Variants in SPACA7 observed in about 807,000 individuals in gnomAD.
SPACA7 encodes the protein sperm acrosome-associated protein 7.
In SPACA7, 19 loss-of-function variants were observed where a neutral mutation model predicts 26.3. That is an observed-to-expected ratio of 0.72 (90% CI 0.50 to 1.06). The LOEUF is 1.06. SPACA7 is among the 50% of genes least tolerant of loss of function. The probability of loss-of-function intolerance (pLI) is 0.00; values close to 1 mark genes in which losing one functional copy is unlikely to be tolerated. For synonymous variants in SPACA7, 84 were observed against 84.5 expected, an observed-to-expected ratio of 0.99 and a Z score of 0.04; for missense variants, 211 against 229.9, an observed-to-expected ratio of 0.92 and a Z score of 0.53.
At chr13:112,401,957 A>T (rs1885673243) in intron 5 of SPACA7, among the ~76,000 whole-genome samples, 1 of 152,212 alleles carries the variant, frequency 6.6e-6, no homozygotes, top group Non-Finnish European at 1.5e-5. Flanking sequence ...CCAGCACCAC[A>T]GTGTGTTATT....
intron 5 of SPACA7, among the ~76,000 whole-genome samples, chr13:112,427,361 G>T (rs12429933): frequency 0.22 from 33,230 of 152,126 alleles, 3,807 homozygotes; most frequent in South Asian, 0.37. Flanking sequence ...ATGGTCACTT[G>T]GTTTTACTTT....
intron 5 of SPACA7, among the ~76,000 whole-genome samples, chr13:112,427,598 C>G (rs1295267890): frequency 6.6e-6 from 1 of 152,064 alleles, no homozygotes; most frequent in Non-Finnish European, 1.5e-5. Flanking sequence ...CTTGAATTTT[C>G]TAGATACATT....
Position 112,434,472 on chromosome 13 carries a change from T to G in SPACA7, c.524-13T>G. ...ACACACTGCCAGTCTCAAAATCTCC[T>G]CTTTCCACACAGGAAACATTTTCCA... On this transcript the variant is annotated splice_polypyrimidine_tract_variant and intron_variant, in intron 6 of 6. Coordinates refer to ENST00000283550, the MANE Select transcript of SPACA7 (RefSeq NM_145248.5). 6.2e-7 allele frequency: 1 copy of G among 1,603,888 alleles called. No homozygotes were observed. The highest frequency in any genetic ancestry group is 8.5e-7 in the Non-Finnish European group (1 of 1,175,188).
intron 5 of SPACA7, among the ~76,000 whole-genome samples, chr13:112,406,245 C>G (rs1229328041): frequency 2.0e-5 from 3 of 152,196 alleles, no homozygotes; most frequent in African/African-American, 7.2e-5. Context: ...TAAGGAATAA[C>G]TCCCCTTTCT....
chr13:112,392,156 T>C (rs978301939), intron 1 of SPACA7, among the ~76,000 whole-genome samples: 9 of 152,080 alleles, frequency 5.9e-5, no homozygotes, highest in African/African-American at 2.2e-4. Context: ...GCCAAAGCAA[T>C]GCCCCAGGAC....
intron 1 of SPACA7, among the ~76,000 whole-genome samples, chr13:112,387,796 G>A (rs1201561913): frequency 6.6e-6 from 1 of 152,156 alleles, no homozygotes; most frequent in Non-Finnish European, 1.5e-5. Flanking sequence ...TTTGCAAGAT[G>A]CTGCCCAGTG....
At chr13:112,401,511 A>T (rs1002089105) in intron 5 of SPACA7, among the ~76,000 whole-genome samples, 1 of 152,134 alleles carries the variant, frequency 6.6e-6, no homozygotes, top group Non-Finnish European at 1.5e-5. Flanking sequence ...GATGATAGAT[A>T]GACAGATAGA....
Position 112,395,016 on chromosome 13 carries a change from G to T in SPACA7, c.151+1939G>T, listed in dbSNP as rs1194684648. ...TGTGGAGGTCAGCGAAGCCCACCCA[G>T]GCAGGCCAGGCCGAGACTCTCTGTC... On this transcript the variant is annotated intron_variant, in intron 2 of 6. Transcript: ENST00000283550. Among the ~76,000 whole-genome samples, 5 of 152,358 alleles carry T rather than the reference G, an allele frequency of 3.3e-5. No individual in the cohort carries two copies. In the East Asian group the frequency reaches 9.6e-4, roughly 29 times the overall value.
At chr13:112,408,411 A>G (rs1173485388) in intron 5 of SPACA7, among the ~76,000 whole-genome samples, 2 of 152,180 alleles carry the variant, frequency 1.3e-5, no homozygotes, top group Non-Finnish European at 2.9e-5. Context: ...TTTGATTAGG[A>G]AAAGAGGAAG....
At chr13:112,416,361 A>G (rs1886695143) in intron 5 of SPACA7, among the ~76,000 whole-genome samples, 1 of 151,932 alleles carries the variant, frequency 6.6e-6, no homozygotes, top group South Asian at 2.1e-4. Context: ...ATCTCAGCTT[A>G]CTGCAACCTA....
intron 5 of SPACA7, among the ~76,000 whole-genome samples, chr13:112,407,922 G>A (rs373529663): frequency 9.2e-5 from 14 of 152,054 alleles, no homozygotes; most frequent in Admixed American, 6.6e-4. Context: ...ACAAAAAAAG[G>A]GAATTTTAGA....
intron 4 of SPACA7, among the ~76,000 whole-genome samples, chr13:112,399,582 T>C (rs1344469241): frequency 1.3e-5 from 2 of 152,126 alleles, no homozygotes; most frequent in Non-Finnish European, 2.9e-5. Flanking sequence ...AAAGCCTCCC[T>C]CCAACAGATG....
intron 4 of SPACA7, among the ~76,000 whole-genome samples, chr13:112,400,686 T>A (rs956621338): frequency 6.6e-6 from 1 of 152,206 alleles, no homozygotes. Context: ...CCGCACTCCT[T>A]TCTTCCTACC....
chr13:112,391,092 T>G (rs1378605591), intron 1 of SPACA7, among the ~76,000 whole-genome samples: 1 of 152,172 alleles, frequency 6.6e-6, no homozygotes, highest in East Asian at 1.9e-4. Flanking sequence ...AGAGCTGGCT[T>G]CTTCTTACTC....
intron 6 of SPACA7, 89 bp from the exon 7 acceptor site, chr13:112,434,396 C>A: frequency 8.8e-7 from 1 of 1,131,622 alleles, no homozygotes; most frequent in Non-Finnish European, 1.3e-6. Context: ...TTGGTTCCTC[C>A]TGTCCCCTGG....
At chr13:112,413,013 G>T (rs998967170) in intron 5 of SPACA7, among the ~76,000 whole-genome samples, 1 of 152,138 alleles carries the variant, frequency 6.6e-6, no homozygotes, top group African/African-American at 2.4e-5. Context: ...ACGTTTTGTT[G>T]CCTCAATTTG....
At chr13:112,383,382 T>C (rs1432829213) in intron 1 of SPACA7, among the ~76,000 whole-genome samples, 2 of 152,186 alleles carry the variant, frequency 1.3e-5, no homozygotes, top group African/African-American at 4.8e-5. Flanking sequence ...CCAGTCCCTA[T>C]TTTTTAAAGA....
At chr13:112,416,168 T>C (rs1354256492) in intron 5 of SPACA7, among the ~76,000 whole-genome samples, 1 of 152,132 alleles carries the variant, frequency 6.6e-6, no homozygotes, top group African/African-American at 2.4e-5. Flanking sequence ...CCAGTTCTTG[T>C]GAAGGTGACT....
chr13:112,434,140 G>A (rs1877487466), intron 6 of SPACA7, among the ~76,000 whole-genome samples: 1 of 152,132 alleles, frequency 6.6e-6, no homozygotes, highest in South Asian at 2.1e-4. Context: ...CAACCTCCTG[G>A]TACTGACATC....
Sources: gnomAD v4.1 joint callset for allele counts (sites outside exome capture counted in the v4.1 genomes callset) on GRCh38, gnomAD v4.1.1 for gene constraint, MANE v1.5 for transcripts, NCBI Gene and HGNC (gene_info 2026-07-23, HGNC 2026-07-21) for gene names.